ARHGAP15: variants seen among roughly 807,000 people sequenced by gnomAD.
ARHGAP15 encodes the protein rho GTPase-activating protein 15.
ARHGAP15 carries 51 observed loss-of-function variants against 63.7 expected under a neutral mutation model. The ratio of observed to expected loss-of-function variants is 0.80; its 90% CI spans 0.64 to 1.01. ARHGAP15 has a LOEUF of 1.01. Ranked by LOEUF, ARHGAP15 falls within the 50% of genes least tolerant of loss-of-function variation. The pLI is 0.00. For synonymous variants in ARHGAP15, 191 were observed against 193.8 expected, an observed-to-expected ratio of 0.99 and a Z score of 0.12; for missense variants, 560 against 564.6, an observed-to-expected ratio of 0.99 and a Z score of 0.08.
At chr2:143,654,659 G>T (rs1191912093) in intron 12 of ARHGAP15, among the ~76,000 whole-genome samples, 1 of 152,114 alleles carries the variant, frequency 6.6e-6, no homozygotes, top group Non-Finnish European at 1.5e-5. Flanking sequence ...ACTCAAAAAG[G>T]TTGACTGACA....
intron 11 of ARHGAP15, among the ~76,000 whole-genome samples, chr2:143,605,972 G>T (rs1198840701): frequency 1.4e-5 from 2 of 142,950 alleles, no homozygotes; most frequent in Admixed American, 1.5e-4. Flanking sequence ...GCAGGCAGGG[G>T]TTGCAGTGAG....
chr2:143,552,087 C>T (rs72857915), intron 10 of ARHGAP15, among the ~76,000 whole-genome samples: 292 of 152,258 alleles, frequency 1.9e-3, no homozygotes, highest in Non-Finnish European at 3.7e-3. Flanking sequence ...CAAAGTATTG[C>T]GAGAATGGCA....
intron 11 of ARHGAP15, 70 bp from the exon 12 acceptor site, chr2:143,624,063 A>T: frequency 6.4e-7 from 1 of 1,564,934 alleles, no homozygotes; most frequent in Non-Finnish European, 8.7e-7. Context: ...GCAAACATTA[A>T]CATAATAATT....
At chr2:143,728,190 C>A (rs140342605) in intron 13 of ARHGAP15, among the ~76,000 whole-genome samples, 1 of 152,320 alleles carries the variant, frequency 6.6e-6, no homozygotes, top group African/African-American at 2.4e-5. Flanking sequence ...CCTTGGCTTG[C>A]ACATGGCCAC....
intron 2 of ARHGAP15, among the ~76,000 whole-genome samples, chr2:143,195,613 G>A (rs186787830): frequency 1.3e-3 from 201 of 152,226 alleles, no homozygotes; most frequent in Non-Finnish European, 1.9e-3. Context: ...AAACTTTTAA[G>A]AGACTGTAGA....
intron 8 of ARHGAP15, among the ~76,000 whole-genome samples, chr2:143,450,909 A>T (rs1369830706): frequency 2.0e-5 from 3 of 151,898 alleles, no homozygotes; most frequent in African/African-American, 7.2e-5. Context: ...CAACAGTTTA[A>T]ACTTGGTTCT....
chr2:143,587,727 G>A (rs546612597), intron 11 of ARHGAP15: 1 of 470,728 alleles, frequency 2.1e-6, no homozygotes, highest in South Asian at 1.6e-5. Context: ...ACTGGATGGA[G>A]ACCTGTGGAC....
intron 6 of ARHGAP15, among the ~76,000 whole-genome samples, chr2:143,378,290 T>C (rs1380637577): frequency 6.6e-6 from 1 of 152,018 alleles, no homozygotes; most frequent in Non-Finnish European, 1.5e-5. Context: ...AGTCTGGAGA[T>C]ACGAAACAGT....
chr2:143,237,751 T>C (rs1693710449), intron 5 of ARHGAP15: 1 of 152,178 alleles, frequency 6.6e-6, no homozygotes, highest in African/African-American at 2.4e-5. Context: ...ACTTTTGATA[T>C]AAATTCAAAA....
chr2:143,729,502 G>A (rs1666569880), intron 13 of ARHGAP15, among the ~76,000 whole-genome samples: 1 of 152,112 alleles, frequency 6.6e-6, no homozygotes, highest in South Asian at 2.1e-4. Flanking sequence ...TACCATCATT[G>A]CATATTACGC....
At chr2:143,765,148 G>GTAAAAT (rs1172295067) in intron 13 of ARHGAP15, among the ~76,000 whole-genome samples, 64 of 127,632 alleles carry the variant, frequency 5.0e-4, no homozygotes, top group African/African-American at 2.2e-3. Context: ...TGTGTGTGTG[G>GTAAAAT]TAAAATTAAT....
intron 11 of ARHGAP15, among the ~76,000 whole-genome samples, chr2:143,614,200 C>T (rs1698372128): frequency 6.6e-6 from 1 of 152,184 alleles, no homozygotes; most frequent in African/African-American, 2.4e-5. Flanking sequence ...GGAAAGCCTT[C>T]TGACTACACC....
At chr2:143,498,207 C>T (rs1023840238) in intron 9 of ARHGAP15, among the ~76,000 whole-genome samples, 2 of 151,984 alleles carry the variant, frequency 1.3e-5, no homozygotes, top group African/African-American at 2.4e-5. Context: ...AAATTTTGTC[C>T]GATATTAAAA....
chr2:143,763,665 G>A (rs1391587604), intron 13 of ARHGAP15, among the ~76,000 whole-genome samples: 2 of 149,094 alleles, frequency 1.3e-5, no homozygotes, highest in African/African-American at 4.9e-5. Flanking sequence ...TATATAAATT[G>A]CATATATATG....
intron 6 of ARHGAP15, among the ~76,000 whole-genome samples, chr2:143,257,233 TA>T (rs1680471571): frequency 1.3e-5 from 2 of 152,118 alleles, no homozygotes; most frequent in African/African-American, 4.8e-5. Flanking sequence ...GCTGCCTTAC[TA>T]GATTCATTCT....
intron 6 of ARHGAP15, among the ~76,000 whole-genome samples, chr2:143,342,478 G>T (rs989377104): frequency 1.3e-5 from 2 of 152,036 alleles, no homozygotes; most frequent in Non-Finnish European, 2.9e-5. Context: ...CCTGTATGGC[G>T]ATAGAGTAAT....
chr2:143,722,489 T>C (rs1685103543), intron 13 of ARHGAP15, among the ~76,000 whole-genome samples: 1 of 152,028 alleles, frequency 6.6e-6, no homozygotes, highest in South Asian at 2.1e-4. Flanking sequence ...AGCATGCCTA[T>C]GGAGTGCCTG....
intron 1 of ARHGAP15, among the ~76,000 whole-genome samples, chr2:143,155,091 G>A (rs1393001630): frequency 6.6e-6 from 1 of 151,822 alleles, no homozygotes; most frequent in African/African-American, 2.4e-5. Context: ...TAGCATGTAG[G>A]GGTAAAGTGG....
chr2:143,468,296 A>G (rs1246897458), intron 8 of ARHGAP15, among the ~76,000 whole-genome samples: 2 of 151,618 alleles, frequency 1.3e-5, no homozygotes, highest in African/African-American at 2.4e-5. Flanking sequence ...TCCTTTAGGG[A>G]CTTTTAAAGA....
Sources: allele counts gnomAD v4.1 joint callset (sites outside exome capture counted in the v4.1 genomes callset), GRCh38; gene constraint gnomAD v4.1.1; transcripts MANE v1.5; gene names NCBI Gene and HGNC (gene_info 2026-07-23, HGNC 2026-07-21).